ZSWIM3: variants seen among roughly 807,000 people sequenced by gnomAD.
ZSWIM3 encodes zinc finger SWIM-type containing 3, also known as zinc finger SWIM domain-containing protein 3.
Under a neutral mutation model 47.5 loss-of-function variants are expected in ZSWIM3, and 27 were observed. That is an observed-to-expected ratio of 0.57 (90% CI 0.42 to 0.78). ZSWIM3 has a LOEUF of 0.78. Among genes scored for constraint, ZSWIM3 ranks in the 30% least tolerant of loss-of-function variants. The probability of loss-of-function intolerance (pLI) is 0.00; values close to 1 mark genes in which losing one functional copy is unlikely to be tolerated. For synonymous variants in ZSWIM3, 333 were observed against 333.9 expected, an observed-to-expected ratio of 1.00 and a Z score of 0.03; for missense variants, 689 against 861.3, an observed-to-expected ratio of 0.80 and a Z score of 2.50.
rs548544002 is a variant in ZSWIM3, at chr20:45,876,902, C to G, written c.344C>G (p.Thr115Ser). 1 of 1,614,186 alleles carries G rather than the reference C, an allele frequency of 6.2e-7. No individual in the cohort carries two copies. Among genetic ancestry groups the G allele is most frequent in the South Asian group, 1.1e-5 (1 of 91,082 alleles). ...SKVASPGGDT[T>S]GKSQKTMCLQ... The stretch of plus-strand genomic sequence containing the variant: ...GTGGCTAGTCCTGGAGGAGACACCA[C>G]TGGCAAATCTCAAAAGACAATGTGC... The change falls in exon 2 of 2, where the codon ACT (threonine) becomes AGT (serine). Residue 115 changes from threonine (T) to serine (S), a missense_variant. Transcript: ENST00000255152.
chr20:45,876,770 G>A lies in ZSWIM3; in HGVS notation c.212G>A (p.Arg71Gln), dbSNP rs186745436. ...IRTQSNRKRTREADMCPAYLL... is the reference protein window; with the variant it reads ...IRTQSNRKRTQEADMCPAYLL... ...ACCCAATCAAACAGGAAGAGAACGC[G>A]GGAGGCAGACATGTGCCCAGCGTAC... is the stretch of plus-strand genomic sequence containing the variant. Residue 71 changes from arginine (R) to glutamine (Q), a missense_variant, in exon 2 of 2, where the codon CGG becomes CAG. Transcript: ENST00000255152. 54 of 1,614,084 alleles carry A rather than the reference G, an allele frequency of 3.3e-5. No individual in the cohort carries two copies. Among genetic ancestry groups the A allele is most frequent in the Middle Eastern group, 3.3e-4 (2 of 6,062 alleles).
At position 45,857,752 on chromosome 20, in the gene ZSWIM3, T is replaced by C; in HGVS notation, c.-74T>C. The C allele has an allele frequency of 6.4e-7, 1 of 1,555,850 alleles. No homozygotes were observed. The highest frequency in any genetic ancestry group is 8.7e-7 in the Non-Finnish European group (1 of 1,143,968). ...CACGCCTGCCTATAAACCCTCATAG[T>C]GTGACCTTTGACCCCTGGTGTGATC... On this transcript the variant is annotated 5_prime_UTR_variant, in exon 1 of 2. Transcript: ENST00000255152.
chr20:45,872,994 A>C (rs574477013), intron 1 of ZSWIM3, among the ~76,000 whole-genome samples: 3 of 152,158 alleles, frequency 2.0e-5, no homozygotes, highest in African/African-American at 7.2e-5. Flanking sequence ...CCAGGGGGTG[A>C]GATTTTTTTC....
In ZSWIM3 at chr20:45,878,154, C is replaced by T. The variant is rs775371753; in HGVS notation, c.1596C>T (p.Asp532=). Residue 532 remains aspartate (D), a synonymous_variant, in exon 2 of 2, where the codon GAC becomes GAT. Transcript: ENST00000255152. ...HLVDMAGSSV[D]VQLLEDSHQV... ...TGGACATGGCTGGCTCTTCAGTGGA[C>T]GTTCAGCTGCTAGAGGACTCTCACC... 36 of 1,614,156 alleles carry T rather than the reference C, an allele frequency of 2.2e-5. 1 individual carries two copies. In the South Asian group the frequency reaches 3.0e-4, roughly 13 times the overall value.
chr20:45,857,725 C>T lies in ZSWIM3; in HGVS notation c.-101C>T, dbSNP rs1985563508. ...GGGCGGACCCTTAAGGCATTCTGGG[C>T]CCACGCCTGCCTATAAACCCTCATA... On this transcript the variant is annotated 5_prime_UTR_variant, in exon 1 of 2. Coordinates refer to ENST00000255152, the MANE Select transcript of ZSWIM3 (RefSeq NM_080752.4). The T allele has an allele frequency of 5.6e-6, 8 of 1,431,294 alleles. No individual in the cohort carries two copies. In the South Asian group the frequency reaches 1.1e-4, roughly 19 times the overall value. 88.7% of individuals were successfully genotyped at this position (1,431,294 alleles called of 1,614,324 possible).
intron 1 of ZSWIM3, among the ~76,000 whole-genome samples, chr20:45,864,600 C>G (rs1379184190): frequency 6.6e-6 from 1 of 152,206 alleles, no homozygotes; most frequent in Non-Finnish European, 1.5e-5. Context: ...ATGTTGCTCA[C>G]GCCTATAATC....
At chr20:45,870,987 G>A (rs985195084) in intron 1 of ZSWIM3, among the ~76,000 whole-genome samples, 3 of 152,104 alleles carry the variant, frequency 2.0e-5, no homozygotes, top group Admixed American at 1.3e-4. Context: ...GAGCCACGGC[G>A]CCCAGCTACT....
chr20:45,873,038 G>A (rs779588281), intron 1 of ZSWIM3, among the ~76,000 whole-genome samples: 4 of 152,172 alleles, frequency 2.6e-5, no homozygotes, highest in Non-Finnish European at 5.9e-5. Context: ...GGCACTCCCT[G>A]AGGAGGGAGG....
intron 1 of ZSWIM3, among the ~76,000 whole-genome samples, chr20:45,867,013 T>TTG (rs1319679732): frequency 6.7e-6 from 1 of 149,076 alleles, no homozygotes; most frequent in African/African-American, 2.5e-5. Flanking sequence ...TTTTTTTTTT[T>TTG]TTTTTTTTTT....
At chr20:45,861,167 G>A (rs1382449800) in intron 1 of ZSWIM3, among the ~76,000 whole-genome samples, 1 of 152,126 alleles carries the variant, frequency 6.6e-6, no homozygotes, top group Admixed American at 6.6e-5. Context: ...TATAATTCCA[G>A]CACTTTGGTA....
At chr20:45,867,695 G>A (rs1045672072) in intron 1 of ZSWIM3, among the ~76,000 whole-genome samples, 1 of 152,160 alleles carries the variant, frequency 6.6e-6, no homozygotes, top group Non-Finnish European at 1.5e-5. Context: ...AAGAGTATGT[G>A]ACTTTATGCC....
At chr20:45,868,948 C>T (rs146153465) in intron 1 of ZSWIM3, among the ~76,000 whole-genome samples, 1 of 150,710 alleles carries the variant, frequency 6.6e-6, no homozygotes, top group Non-Finnish European at 1.5e-5. Flanking sequence ...ATTACAGGCA[C>T]AAGCCATCAT....
intron 1 of ZSWIM3, among the ~76,000 whole-genome samples, chr20:45,859,133 T>C (rs1035044891): frequency 6.6e-6 from 1 of 152,106 alleles, no homozygotes; most frequent in African/African-American, 2.4e-5. Context: ...ATCCACACTT[T>C]ATGTGGATTT....
chr20:45,874,240 G>A (rs980400805), intron 1 of ZSWIM3, among the ~76,000 whole-genome samples: 5 of 152,124 alleles, frequency 3.3e-5, no homozygotes, highest in Admixed American at 6.5e-5. Flanking sequence ...GGCCGAGGGC[G>A]GTGGCTCACG....
chr20:45,875,376 G>A (rs1409025785), intron 1 of ZSWIM3, among the ~76,000 whole-genome samples: 1 of 151,736 alleles, frequency 6.6e-6, no homozygotes, highest in Non-Finnish European at 1.5e-5. Context: ...GTCTCTTGCT[G>A]TGTTGCCCAG....
chr20:45,877,381 G>C lies in ZSWIM3; in HGVS notation c.823G>C (p.Asp275His), dbSNP rs779491530. ...MLSIFTEFNS[D>H]WPKVKVVFVD... is the part of the protein sequence containing the mutation. Reference sequence around the variant, plus strand: ...GAGCATCTTCACAGAGTTCAACTCCGATTGGCCCAAGGTCAAGGTGGTCTT... The same window carrying C: ...GAGCATCTTCACAGAGTTCAACTCCCATTGGCCCAAGGTCAAGGTGGTCTT... Residue 275 changes from aspartate (D) to histidine (H), a missense_variant, in exon 2 of 2, where the codon GAT becomes CAT. By Grantham distance (81) the Asp-to-His change is moderately conservative. Transcript: ENST00000255152. 7.4e-6 allele frequency: 12 copies of C among 1,614,028 alleles called. No homozygotes were observed. Among genetic ancestry groups the C allele is most frequent in the Non-Finnish European group, 5.9e-6 (7 of 1,180,032 alleles).
rs896620485 is a variant in ZSWIM3 at position 45,878,243 on chromosome 20, G to A, written c.1685G>A (p.Arg562Gln). Residue 562 changes from arginine to glutamine, a missense_variant, in exon 2 of 2, where the codon CGA becomes CAA. Coordinates refer to ENST00000255152, the MANE Select transcript of ZSWIM3 (RefSeq NM_080752.4). ...SFQQWYHLPC[R>Q]HILALLHTSQ... Reference sequence around the variant, plus strand: ...CAACAATGGTACCACCTGCCATGCCGACACATTTTGGCTCTGCTGCACACC... The same window carrying A: ...CAACAATGGTACCACCTGCCATGCCAACACATTTTGGCTCTGCTGCACACC... 1.2e-6 allele frequency: 2 copies of A among 1,614,068 alleles called. No individual in the cohort carries two copies. The highest frequency in any genetic ancestry group is 1.1e-5 in the South Asian group (1 of 91,080).
intron 1 of ZSWIM3, among the ~76,000 whole-genome samples, chr20:45,863,731 C>T (rs899934519): frequency 2.6e-5 from 4 of 152,224 alleles, no homozygotes; most frequent in African/African-American, 9.6e-5. Flanking sequence ...GGCGCAGTGG[C>T]TCATGCCTGT....
chr20:45,863,878 A>G (rs1292086782), intron 1 of ZSWIM3, among the ~76,000 whole-genome samples: 1 of 152,134 alleles, frequency 6.6e-6, no homozygotes, highest in Non-Finnish European at 1.5e-5. Flanking sequence ...CGTGCCTGTA[A>G]TCCCAGCTAC....
Sources: gnomAD v4.1 joint callset for allele counts (sites outside exome capture counted in the v4.1 genomes callset) on GRCh38, gnomAD v4.1.1 for gene constraint, MANE v1.5 for transcripts, NCBI Gene and HGNC (gene_info 2026-07-23, HGNC 2026-07-21) for gene names.